The following FIP1L1 variants were observed in gnomAD, a reference collection of about 807,000 sequenced individuals.
The protein encoded by FIP1L1 is pre-mRNA 3'-end-processing factor FIP1.
In FIP1L1, 21 loss-of-function variants were observed where a neutral mutation model predicts 84.6. The observed-to-expected ratio is 0.25, with a 90% CI of 0.18 to 0.36. FIP1L1 has a LOEUF of 0.36. FIP1L1 is among the 10% of genes least tolerant of loss of function. The pLI, the probability that FIP1L1 is intolerant of heterozygous loss-of-function variation, is 1.00. For missense variants in FIP1L1, 526 were observed against 751.1 expected (o/e 0.70, Z 3.50); for synonymous variants, 263 against 242.3 (o/e 1.09, Z -0.80).
At chr4:53,416,658 C>G (rs1759627270) in intron 11 of FIP1L1, among the ~76,000 whole-genome samples, 1 of 152,106 alleles carries the variant, frequency 6.6e-6, no homozygotes, top group South Asian at 2.1e-4. Context: ...CTTTCATAGA[C>G]AAAGGCATAG....
chr4:53,427,432 C>T (rs1764761318), intron 12 of FIP1L1, among the ~76,000 whole-genome samples: 1 of 152,134 alleles, frequency 6.6e-6, no homozygotes, highest in African/African-American at 2.4e-5. Context: ...ATTTTGCAAA[C>T]ATTGCTTTAT....
intron 14 of FIP1L1, 40 bp from the exon 15 acceptor site, chr4:53,444,008 A>G (rs1202717533): frequency 5.5e-6 from 8 of 1,456,230 alleles, no homozygotes; most frequent in Non-Finnish European, 7.7e-6. Context: ...TTCAGAACTT[A>G]TTTGTACCAG....
chr4:53,441,167 A>ATTTC (rs1771747899), intron 13 of FIP1L1, among the ~76,000 whole-genome samples: 1 of 151,612 alleles, frequency 6.6e-6, no homozygotes, highest in Non-Finnish European at 1.5e-5. Flanking sequence ...TTATTTATTT[A>ATTTC]TTTATTTTTA....
Position 53,460,806 on chromosome 4 carries a change from G to T in FIP1L1, c.*1357G>T. ...ATACTTTTCCTGACATTTTTACAAT[G>T]TATTCTTTCTTTAAATATAAAAACT... is the stretch of plus-strand genomic sequence containing the variant. On this transcript the variant is annotated 3_prime_UTR_variant, in exon 18 of 18. Transcript: ENST00000337488. 8.6e-7 allele frequency: 1 copy of T among 1,162,922 alleles called. No individual in the cohort carries two copies. The highest frequency in any genetic ancestry group is 1.6e-5 in the African/African-American group (1 of 62,290). The allele number at this position is 1,162,922 out of a possible 1,614,324, so 72.0% of individuals were successfully genotyped here. A position where few individuals can be genotyped will look rare whatever the true frequency, so the allele number is the denominator to read the frequency against.
chr4:53,390,539 T>C lies in FIP1L1; in HGVS notation c.416T>C (p.Val139Ala). The C allele has an allele frequency of 6.2e-7, 1 of 1,611,620 alleles. No homozygotes were observed. The highest frequency in any genetic ancestry group is 8.5e-7 in the Non-Finnish European group (1 of 1,178,224). The change falls in exon 7 of 18, where the codon GTA (valine) becomes GCA (alanine). Residue 139 changes from valine (V) to alanine (A), a missense_variant. Physicochemically the swap from Val to Ala is moderately conservative, Grantham distance 64. Around this residue, in one of 6 missense-constraint regions of FIP1L1, gnomAD observed 169 missense variants for 206.9 expected, o/e 0.82. Coordinates refer to ENST00000337488, the MANE Select transcript of FIP1L1 (RefSeq NM_030917.4). The stretch of plus-strand genomic sequence containing the variant: ...AAAACAGGGACAAAAGTCAAAGGAG[T>C]AGACCTTGATGCACCTGGAAGCATT... ...YGTTGTKVKG[V>A]DLDAPGSING...
At chr4:53,456,043 G>T (rs1003712578) in intron 16 of FIP1L1, among the ~76,000 whole-genome samples, 4 of 152,072 alleles carry the variant, frequency 2.6e-5, no homozygotes, top group Non-Finnish European at 5.9e-5. Context: ...CCAATTAAGT[G>T]CATGATTCTT....
intron 13 of FIP1L1, among the ~76,000 whole-genome samples, chr4:53,441,346 T>C (rs1320947841): frequency 6.6e-6 from 1 of 151,692 alleles, no homozygotes; most frequent in Non-Finnish European, 1.5e-5. Context: ...AAGAGTGAAG[T>C]TTAGGTAGCA....
rs185367973 is a variant in FIP1L1 at position 53,406,536 on chromosome 4, G to T, written c.815+6697G>T. Among the ~76,000 whole-genome samples the T allele has an allele frequency of 3.9e-5, 6 of 152,266 alleles. No homozygotes were observed. In the East Asian group the frequency reaches 1.2e-3, roughly 29 times the overall value. On this transcript the variant is annotated intron_variant, in intron 10 of 17. Coordinates refer to ENST00000337488, the MANE Select transcript of FIP1L1 (RefSeq NM_030917.4). ...ATGCTGGCCTCACAAAATGAGTTAG[G>T]GAGGATTCCCTCTTTTTCTATTGAT...
chr4:53,407,977 G>A (rs1316725723), intron 10 of FIP1L1, among the ~76,000 whole-genome samples: 1 of 152,194 alleles, frequency 6.6e-6, no homozygotes, highest in Admixed American at 6.5e-5. Flanking sequence ...TTTAATTGGA[G>A]CATTTAGTTC....
chr4:53,443,246 C>T (rs1381087446), intron 14 of FIP1L1, among the ~76,000 whole-genome samples: 1 of 152,032 alleles, frequency 6.6e-6, no homozygotes, highest in African/African-American at 2.4e-5. Flanking sequence ...TCATGGGTGG[C>T]AGTATGGTGT....
chr4:53,387,882 C>G (rs1316792186), intron 5 of FIP1L1, among the ~76,000 whole-genome samples: 1 of 152,150 alleles, frequency 6.6e-6, no homozygotes, highest in Non-Finnish European at 1.5e-5. Context: ...AAGGCAGGAA[C>G]CGTAATTGTC....
At chr4:53,435,466 T>C (rs1768712631) in intron 13 of FIP1L1, among the ~76,000 whole-genome samples, 1 of 152,208 alleles carries the variant, frequency 6.6e-6, no homozygotes, top group Non-Finnish European at 1.5e-5. Context: ...AAGTTCTCTA[T>C]TAAAAAACAT....
chr4:53,410,737 A>C (rs1446864714), intron 10 of FIP1L1, among the ~76,000 whole-genome samples: 1 of 152,228 alleles, frequency 6.6e-6, no homozygotes, highest in Non-Finnish European at 1.5e-5. Flanking sequence ...ATCAAACTGC[A>C]GATCCCAAAA....
intron 11 of FIP1L1, among the ~76,000 whole-genome samples, chr4:53,417,642 CAAAAAAAAAA>C (rs57635694): frequency 2.2e-5 from 1 of 46,360 alleles, no homozygotes; most frequent in Middle Eastern, 0.021. Flanking sequence ...AACTCCTTCT[CAAAAAAAAAA>C]AAAAAAAAAA....
intron 15 of FIP1L1, among the ~76,000 whole-genome samples, chr4:53,445,645 G>A (rs1773874532): frequency 1.3e-5 from 2 of 152,116 alleles, no homozygotes. Context: ...CTATATAAAG[G>A]CTAGTTGGTG....
chr4:53,448,887 T>C (rs931626940), intron 15 of FIP1L1, among the ~76,000 whole-genome samples: 2 of 152,162 alleles, frequency 1.3e-5, no homozygotes, highest in African/African-American at 2.4e-5. Flanking sequence ...AGGTACCTAA[T>C]GTTTTTGTTG....
intron 10 of FIP1L1, among the ~76,000 whole-genome samples, chr4:53,405,182 T>C (rs1026471241): frequency 1.3e-5 from 2 of 152,302 alleles, no homozygotes; most frequent in African/African-American, 4.8e-5. Context: ...AATTAATTTT[T>C]GTATAAGGTG....
chr4:53,455,920 G>A (rs568634105), intron 16 of FIP1L1, among the ~76,000 whole-genome samples: 2 of 152,178 alleles, frequency 1.3e-5, no homozygotes, highest in African/African-American at 4.8e-5. Flanking sequence ...TATTGACCAA[G>A]TAAGTAAACA....
At chr4:53,405,527 T>C (rs1212943959) in intron 10 of FIP1L1, among the ~76,000 whole-genome samples, 1 of 150,432 alleles carries the variant, frequency 6.6e-6, no homozygotes, top group African/African-American at 2.4e-5. Flanking sequence ...TAAAGTAGTT[T>C]TTTCCAATTC....
Sources: allele counts gnomAD v4.1 joint callset (sites outside exome capture counted in the v4.1 genomes callset), GRCh38; gene constraint gnomAD v4.1.1; regional missense constraint gnomAD v4.1.1; transcripts MANE v1.5; gene names NCBI Gene and HGNC (gene_info 2026-07-23, HGNC 2026-07-21).